The following DDX19B variants were observed in gnomAD, a reference collection of about 807,000 sequenced individuals.
The protein encoded by DDX19B is ATP-dependent RNA helicase DDX19B.
DDX19B carries 27 observed loss-of-function variants against 58.1 expected under a neutral mutation model. That is an observed-to-expected ratio of 0.46 (90% CI 0.34 to 0.64). The LOEUF (loss-of-function observed/expected upper bound fraction) is 0.64, where lower values mean the gene tolerates loss of function less well. Among genes scored for constraint, DDX19B ranks in the 30% least tolerant of loss-of-function variants. DDX19B has a pLI of 0.01. For synonymous variants in DDX19B, 187 were observed against 214.4 expected (o/e 0.87, Z 1.12); for missense variants, 399 against 596.5 (o/e 0.67, Z 3.45).
chr16:70,306,130 G>A (rs537382419), intron 1 of DDX19B, among the ~76,000 whole-genome samples: 116 of 151,080 alleles, frequency 7.7e-4, no homozygotes, highest in Non-Finnish European at 1.2e-3. Context: ...GGTCAGTTTT[G>A]TTGTTGTTGT....
chr16:70,315,018 A>T (rs527308001), intron 3 of DDX19B, 63 bp downstream of exon 3: 2 of 1,554,060 alleles, frequency 1.3e-6, no homozygotes, highest in East Asian at 2.3e-5. Flanking sequence ...GTGGATTGTT[A>T]TGAGGCTTCA....
intron 7 of DDX19B, among the ~76,000 whole-genome samples, chr16:70,326,903 T>C (rs1044998233): frequency 1.3e-5 from 2 of 151,780 alleles, no homozygotes; most frequent in Non-Finnish European, 1.5e-5. Flanking sequence ...GGCACAGTCT[T>C]GGCTCACTGC....
At chr16:70,297,150 G>A (rs1320633751), upstream of DDX19B, among the ~76,000 whole-genome samples, 8 of 152,028 alleles carry the variant, frequency 5.3e-5, no homozygotes, top group Admixed American at 2.6e-4. Flanking sequence ...TCCTGACCTC[G>A]TGATCCACCT....
In DDX19B at chr16:70,314,910, G is replaced by T; in HGVS notation, c.115G>T (p.Val39Phe). ...KIKPDTNGAV[V>F]KTNANAEKTD... is the part of the protein sequence containing the mutation. ...ACTTTGTGTCTATAAAGGTGCTGTT[G>T]TCAAGACCAATGCCAATGCAGAGAA... The change falls in exon 3 of 12, where the codon GTC becomes TTC. Residue 39 changes from valine to phenylalanine, a missense_variant. Around this residue, in one of 4 missense-constraint regions of DDX19B, gnomAD observed 132 missense variants for 159.4 expected, o/e 0.83. Coordinates refer to ENST00000288071, the MANE Select transcript of DDX19B (RefSeq NM_007242.7). 1.2e-6 allele frequency: 2 copies of T among 1,609,248 alleles called. No individual in the cohort carries two copies. Among genetic ancestry groups the T allele is most frequent in the Non-Finnish European group, 1.7e-6 (2 of 1,176,858 alleles).
chr16:70,327,113 C>T (rs1227747407), intron 7 of DDX19B, among the ~76,000 whole-genome samples: 4 of 151,454 alleles, frequency 2.6e-5, no homozygotes, highest in East Asian at 3.9e-4. Flanking sequence ...GGATTACAGG[C>T]GTGAGCCACT....
intron 8 of DDX19B, 35 bp from the exon 9 acceptor site, chr16:70,329,796 C>A: frequency 1.2e-6 from 2 of 1,613,144 alleles, no homozygotes; most frequent in Non-Finnish European, 1.7e-6. Flanking sequence ...TTCCCGGGGC[C>A]ACCTGGGGCC....
chr16:70,307,697 G>A (rs772773155), intron 1 of DDX19B, among the ~76,000 whole-genome samples: 1 of 149,934 alleles, frequency 6.7e-6, no homozygotes, highest in Non-Finnish European at 1.5e-5. Flanking sequence ...GTGTGTGTAT[G>A]TATATATGTG....
intron 7 of DDX19B, among the ~76,000 whole-genome samples, chr16:70,326,668 C>G (rs1012187544): frequency 9.9e-5 from 15 of 152,028 alleles, no homozygotes; most frequent in Non-Finnish European, 1.6e-4. Flanking sequence ...TCCCAAGTAG[C>G]TGGGATTACA....
At chr16:70,305,825 A>G (rs1961719537) in intron 1 of DDX19B, among the ~76,000 whole-genome samples, 1 of 150,968 alleles carries the variant, frequency 6.6e-6, no homozygotes, top group Non-Finnish European at 1.5e-5. Flanking sequence ...CAGTGGCGCA[A>G]TCTCGGCTCA....
At position 70,301,119 on chromosome 16, in the gene DDX19B, C is replaced by A. The variant is rs149612061; in HGVS notation, c.57+1765C>A. On this transcript the variant is annotated intron_variant, in intron 1 of 11. Coordinates refer to ENST00000288071, the MANE Select transcript of DDX19B (RefSeq NM_007242.7). The stretch of plus-strand genomic sequence containing the variant: ...GCCTCATTCTGCAGATTCCTTCCTC[C>A]TTTCTCTTGTCTTTTGGATCTCTTG... Among the ~76,000 whole-genome samples, 498 of 152,298 alleles carry A rather than the reference C, an allele frequency of 3.3e-3. 2 individuals carry two copies. Among genetic ancestry groups the A allele is most frequent in the African/African-American group, 0.011 (444 of 41,566 alleles).
intron 3 of DDX19B, chr16:70,315,736 A>G (rs1962360765): frequency 4.3e-6 from 2 of 461,390 alleles, no homozygotes; most frequent in Admixed American, 3.6e-5. Context: ...ACTGCAGGAA[A>G]AGAGGGCTGT....
At chr16:70,305,086 A>G (rs1348265123) in intron 1 of DDX19B, among the ~76,000 whole-genome samples, 1 of 152,178 alleles carries the variant, frequency 6.6e-6, no homozygotes, top group African/African-American at 2.4e-5. Flanking sequence ...AGAGTGAGTG[A>G]CTAAAAAGTT....
At chr16:70,330,430 T>C in intron 9 of DDX19B, among the ~76,000 whole-genome samples, 1 of 151,892 alleles carries the variant, frequency 6.6e-6, no homozygotes, top group East Asian at 1.9e-4. Context: ...CTACTAAAAA[T>C]ACAAAAAATT....
At chr16:70,296,942 G>A (rs1449733898), upstream of DDX19B, among the ~76,000 whole-genome samples, 1 of 152,112 alleles carries the variant, frequency 6.6e-6, no homozygotes, top group Non-Finnish European at 1.5e-5. Flanking sequence ...TTGAGACAGA[G>A]TCTTGCTCTG....
At chr16:70,290,048 G>GAA, upstream of DDX19B, 1 of 260,706 alleles carries the variant, frequency 3.8e-6, no homozygotes, top group Non-Finnish European at 7.8e-6. Flanking sequence ...TTTGCCTTTG[G>GAA]AAAAAAAAAA....
At chr16:70,301,513 G>A (rs1037533339) in intron 1 of DDX19B, among the ~76,000 whole-genome samples, 1 of 151,998 alleles carries the variant, frequency 6.6e-6, no homozygotes, top group African/African-American at 2.4e-5. Context: ...ATATGTCTTG[G>A]TATGGGTGTA....
intron 1 of DDX19B, among the ~76,000 whole-genome samples, chr16:70,305,680 C>T (rs1414170768): frequency 6.6e-6 from 1 of 152,066 alleles, no homozygotes; most frequent in Non-Finnish European, 1.5e-5. Context: ...AAAAACACAT[C>T]ATTAGTCAAC....
intron 5 of DDX19B, among the ~76,000 whole-genome samples, chr16:70,321,905 C>T (rs934521299): frequency 2.6e-5 from 4 of 151,546 alleles, no homozygotes; most frequent in Non-Finnish European, 4.4e-5. Flanking sequence ...CATGGTGGCA[C>T]GTGCCTGTAA....
chr16:70,313,737 G>T (rs1471573800), intron 2 of DDX19B, among the ~76,000 whole-genome samples: 3 of 152,066 alleles, frequency 2.0e-5, no homozygotes, highest in African/African-American at 7.2e-5. Flanking sequence ...TGTAACATTT[G>T]CCTTTCTCAA....
Sources: allele counts gnomAD v4.1 joint callset (sites outside exome capture counted in the v4.1 genomes callset), GRCh38; gene constraint gnomAD v4.1.1; regional missense constraint gnomAD v4.1.1; transcripts MANE v1.5; gene names NCBI Gene and HGNC (gene_info 2026-07-23, HGNC 2026-07-21).